Variants in BCL2L12 observed in about 807,000 individuals in gnomAD.
BCL2L12 encodes the protein bcl-2-like protein 12.
In BCL2L12, 27 loss-of-function variants were observed where a neutral mutation model predicts 25.7. The observed-to-expected ratio is 1.05, with a 90% CI of 0.78 to 1.45. The LOEUF (loss-of-function observed/expected upper bound fraction) is 1.45, where lower values mean the gene tolerates loss of function less well. Among genes scored for constraint, BCL2L12 ranks in the 40% most tolerant of loss-of-function variants. The pLI, the probability that BCL2L12 is intolerant of heterozygous loss-of-function variation, is 0.00. For missense variants in BCL2L12, 302 were observed against 329.8 expected (o/e 0.92, Z 0.65); for synonymous variants, 132 against 145.6 (o/e 0.91, Z 0.67).
At chr19:49,671,759 T>C (rs1599923917) in intron 6 of BCL2L12, among the ~76,000 whole-genome samples, 2 of 152,320 alleles carry the variant, frequency 1.3e-5, no homozygotes, top group Admixed American at 6.5e-5. Context: ...TTGGTGAGGT[T>C]ATATGGCTAC....
intron 5 of BCL2L12, 26 bp from the exon 6 acceptor site, chr19:49,670,190 C>T (rs1417288424): frequency 1.9e-6 from 3 of 1,593,736 alleles, no homozygotes; most frequent in Non-Finnish European, 2.5e-6. Context: ...GCTGCTGACG[C>T]GGACCCTGCC....
At position 49,673,707 on chromosome 19, in the gene BCL2L12, C is replaced by T. The variant is rs369810553; in HGVS notation, c.712C>T (p.Leu238=). The change falls in exon 7 of 7, where the codon CTG becomes TTG. Residue 238 remains leucine, a synonymous_variant. Transcript: ENST00000246784. The part of the protein sequence containing the change: ...IQAHGGWEGI[L]AVSPVDLNLP... ...CACTTTTCCCTTCCAGGAGGGCATC[C>T]TGGCTGTTTCACCCGTGGACTTGAA... 3.1e-6 allele frequency: 5 copies of T among 1,614,106 alleles called. No homozygotes were observed. The highest frequency in any genetic ancestry group is 1.3e-5 in the African/African-American group (1 of 75,038).
chr19:49,670,355 C>G lies in BCL2L12; in HGVS notation c.569C>G (p.Pro190Arg). 6.3e-7 allele frequency: 1 copy of G among 1,593,524 alleles called. No individual in the cohort carries two copies. The highest frequency in any genetic ancestry group is 8.5e-7 in the Non-Finnish European group (1 of 1,171,742). The change falls in exon 6 of 7, where the codon CCG becomes CGG. Residue 190 changes from proline to arginine, a missense_variant. Physicochemically the swap from Pro to Arg is moderately radical, Grantham distance 103. Coordinates refer to ENST00000246784, the MANE Select transcript of BCL2L12 (RefSeq NM_138639.2). Reference sequence around the variant, plus strand: ...TGCCCCGGGCCCCCGCCTCCTTCCCCGGAGCCCCTGGCCCGCCTGGCCCTA... The same window carrying G: ...TGCCCCGGGCCCCCGCCTCCTTCCCGGGAGCCCCTGGCCCGCCTGGCCCTA... ...RACPGPPPPS[P>R]EPLARLALAM...
In BCL2L12 at chr19:49,672,743, A is replaced by C. The variant is rs2081986417; in HGVS notation, c.703-955A>C. 7.3e-6 allele frequency among the ~76,000 whole-genome samples: 1 copy of C among 137,428 alleles called. No individual in the cohort carries two copies. Among genetic ancestry groups the C allele is most frequent in the African/African-American group, 2.6e-5 (1 of 37,924 alleles). The allele number at this position is 137,428 out of a possible 152,430, so 90.2% of individuals were successfully genotyped here. On this transcript the variant is annotated intron_variant, in intron 6 of 6. Coordinates refer to ENST00000246784, the MANE Select transcript of BCL2L12 (RefSeq NM_138639.2). This position sits in a 1 kb window ranked among gnomAD's most constrained non-coding sequence, Gnocchi z 4.1. ...TCCCCGAGATGGGGAAGGTGTGGGG[A>C]TGGGGGCGATGGGGGTGGGGAGCAG...
rs887088639 is a variant in BCL2L12, at chr19:49,666,669, A to G, written c.-8-16A>G. ...CTAAACCCTTGGAGTCCAGTCCCTA[A>G]CCCTCTCTCTCACAGGTGCCTCCAT... is the stretch of plus-strand genomic sequence containing the variant. On this transcript the variant is annotated splice_polypyrimidine_tract_variant and intron_variant, in intron 1 of 6. Coordinates refer to ENST00000246784, the MANE Select transcript of BCL2L12 (RefSeq NM_138639.2). 1 of 1,544,260 alleles carries G rather than the reference A, an allele frequency of 6.5e-7. No individual in the cohort carries two copies. Among genetic ancestry groups the G allele is most frequent in the Admixed American group, 2.0e-5 (1 of 50,298 alleles).
intron 1 of BCL2L12, 56 bp from the exon 2 acceptor site, chr19:49,666,629 A>T: frequency 7.3e-7 from 1 of 1,375,014 alleles, no homozygotes; most frequent in Admixed American, 2.3e-5. Context: ...CTGGTCCCCA[A>T]GCCTCCACTT....
chr19:49,673,068 G>C (rs1192385095), intron 6 of BCL2L12, among the ~76,000 whole-genome samples: 1 of 152,292 alleles, frequency 6.6e-6, no homozygotes, highest in East Asian at 1.9e-4. Context: ...GTTTTGCCCT[G>C]TTGGCCAGGC....
Position 49,673,758 on chromosome 19 carries a change from C to T in BCL2L12, c.*10C>T. The T allele has an allele frequency of 1.2e-6, 2 of 1,614,100 alleles. No homozygotes were observed. Among genetic ancestry groups the T allele is most frequent in the Non-Finnish European group, 1.7e-6 (2 of 1,179,932 alleles). ...CTTGCCATTGGACTGAGCTCTTTCTCAGAAGCTGCTACAAGATGACACCTC... is the reference window on the plus strand; with the variant it reads ...CTTGCCATTGGACTGAGCTCTTTCTTAGAAGCTGCTACAAGATGACACCTC... On this transcript the variant is annotated 3_prime_UTR_variant, in exon 7 of 7. Coordinates refer to ENST00000246784, the MANE Select transcript of BCL2L12 (RefSeq NM_138639.2).
chr19:49,670,151 C>T, intron 5 of BCL2L12, 65 bp from the exon 6 acceptor site: 2 of 1,561,688 alleles, frequency 1.3e-6, no homozygotes, highest in South Asian at 2.3e-5. Flanking sequence ...GCCACGCCTC[C>T]CGGCCCTCTA....
upstream of BCL2L12, chr19:49,665,779 A>G: frequency 6.4e-7 from 1 of 1,557,714 alleles, no homozygotes; most frequent in Non-Finnish European, 8.7e-7. Context: ...ACTTCTTGAA[A>G]TAAAACCAAC....
Position 49,672,580 on chromosome 19 carries a change from G to A in BCL2L12, c.703-1118G>A, listed in dbSNP as rs1485851263. ...GTAGGGGCACAGGGAGGAGGTGAGTGGATCTCACCCAAGTCGGGGGCGGTG... is the reference window on the plus strand; with the variant it reads ...GTAGGGGCACAGGGAGGAGGTGAGTAGATCTCACCCAAGTCGGGGGCGGTG... On this transcript the variant is annotated intron_variant, in intron 6 of 6. Coordinates refer to ENST00000246784, the MANE Select transcript of BCL2L12 (RefSeq NM_138639.2). This position sits in a 1 kb window ranked among gnomAD's most constrained non-coding sequence, Gnocchi z 4.1. Among the ~76,000 whole-genome samples, 1 of 152,204 alleles carries A rather than the reference G, an allele frequency of 6.6e-6. No individual in the cohort carries two copies. The highest frequency in any genetic ancestry group is 1.5e-5 in the Non-Finnish European group (1 of 68,038).
chr19:49,665,746 C>A, upstream of BCL2L12: 1 of 1,520,158 alleles, frequency 6.6e-7, no homozygotes, highest in Non-Finnish European at 8.9e-7. Flanking sequence ...AGCTCTAGAG[C>A]GCTGGGGCTT....
rs2082008673 is a variant in BCL2L12, at chr19:49,673,789, C to T, written c.*41C>T. On this transcript the variant is annotated 3_prime_UTR_variant, in exon 7 of 7. Transcript: ENST00000246784. ...CTGCTACAAGATGACACCTCATGTC[C>T]CTGCCCTCTTCGTGTGCTTTTCCAA... The T allele has an allele frequency of 3.1e-6, 5 of 1,609,526 alleles. No homozygotes were observed. The highest frequency in any genetic ancestry group is 4.3e-6 in the Non-Finnish European group (5 of 1,175,910).
Position 49,666,821 on chromosome 19 carries a change from C to T in BCL2L12, c.107+22C>T, listed in dbSNP as rs1316314197. 5 of 1,544,878 alleles carry T rather than the reference C, an allele frequency of 3.2e-6. No individual in the cohort carries two copies. The African/African-American group carries it at 4.1e-5, about 13-fold the overall frequency. ...CTAGGTAAGAGGAGTGGCCCTTCTCCCCCAGGGGCCAGCATTTGAGGCTCC... is the reference window on the plus strand; with the variant it reads ...CTAGGTAAGAGGAGTGGCCCTTCTCTCCCAGGGGCCAGCATTTGAGGCTCC... On this transcript the variant is annotated intron_variant, in intron 2 of 6. Transcript: ENST00000246784.
At chr19:49,665,827 G>T, upstream of BCL2L12, 1 of 1,590,328 alleles carries the variant, frequency 6.3e-7, no homozygotes, top group South Asian at 1.1e-5. Context: ...AAAGCCGATG[G>T]GACGGCCCGC....
chr19:49,668,971 G>T, intron 4 of BCL2L12, 34 bp downstream of exon 4: 1 of 1,613,938 alleles, frequency 6.2e-7, no homozygotes, highest in Non-Finnish European at 8.5e-7. Context: ...GAAGGATGGC[G>T]GTGGGAGGAT....
At position 49,669,078 on chromosome 19, in the gene BCL2L12, C is replaced by A; in HGVS notation, c.392C>A (p.Ala131Asp). ...EKEAILRRLVALLEEEAEVIN... is the reference protein window; with the variant it reads ...EKEAILRRLVDLLEEEAEVIN... Reference sequence around the variant, plus strand: ...GAAGCCATACTGCGGAGGCTGGTGGCCCTGCTGGAGGAGGAGGCAGAAGTC... The same window carrying A: ...GAAGCCATACTGCGGAGGCTGGTGGACCTGCTGGAGGAGGAGGCAGAAGTC... Residue 131 changes from alanine to aspartate, a missense_variant, in exon 5 of 7, where the codon GCC becomes GAC. Coordinates refer to ENST00000246784, the MANE Select transcript of BCL2L12 (RefSeq NM_138639.2). 2 of 1,614,098 alleles carry A rather than the reference C, an allele frequency of 1.2e-6. No individual in the cohort carries two copies. Among genetic ancestry groups the A allele is most frequent in the Non-Finnish European group, 1.7e-6 (2 of 1,180,000 alleles).
rs1446238373 is a variant in BCL2L12, at chr19:49,673,769, A to G, written c.*21A>G. ...ACTGAGCTCTTTCTCAGAAGCTGCTACAAGATGACACCTCATGTCCCTGCC... is the reference window on the plus strand; with the variant it reads ...ACTGAGCTCTTTCTCAGAAGCTGCTGCAAGATGACACCTCATGTCCCTGCC... On this transcript the variant is annotated 3_prime_UTR_variant, in exon 7 of 7. Coordinates refer to ENST00000246784, the MANE Select transcript of BCL2L12 (RefSeq NM_138639.2). The G allele has an allele frequency of 1.2e-6, 2 of 1,613,864 alleles. No individual in the cohort carries two copies. Among genetic ancestry groups the G allele is most frequent in the East Asian group, 2.2e-5 (1 of 44,890 alleles).
intron 6 of BCL2L12, among the ~76,000 whole-genome samples, chr19:49,671,433 C>T (rs905491140): frequency 3.3e-5 from 5 of 152,106 alleles, no homozygotes; most frequent in African/African-American, 9.7e-5. Flanking sequence ...GCAACAAGAG[C>T]GGGGCTCTGT....
Sources: allele counts gnomAD v4.1 joint callset (sites outside exome capture counted in the v4.1 genomes callset), GRCh38; gene constraint gnomAD v4.1.1; non-coding constraint Gnocchi (gnomAD v3.1); transcripts MANE v1.5; gene names NCBI Gene and HGNC (gene_info 2026-07-23, HGNC 2026-07-21).